Variants in LEKR1 observed in about 807,000 individuals in gnomAD.
LEKR1 encodes the protein leucine, glutamate and lysine rich 1.
Under a neutral mutation model 72.4 loss-of-function variants are expected in LEKR1, and 59 were observed. That is an observed-to-expected ratio of 0.82 (90% CI 0.66 to 1.01). The LOEUF is 1.01. LEKR1 is among the 50% of genes least tolerant of loss of function. The probability of loss-of-function intolerance (pLI) is 0.00; values close to 1 mark genes in which losing one functional copy is unlikely to be tolerated. For synonymous variants in LEKR1, 257 were observed against 263.2 expected (o/e 0.98, Z 0.23); for missense variants, 728 against 759.2 (o/e 0.96, Z 0.48).
intron 3 of LEKR1, among the ~76,000 whole-genome samples, chr3:156,882,458 T>A (rs1719500236): frequency 6.6e-6 from 1 of 152,168 alleles, no homozygotes; most frequent in Non-Finnish European, 1.5e-5. Context: ...TGAGATACCA[T>A]CTCACACCAG....
chr3:156,920,018 G>A (rs1460142498), intron 3 of LEKR1, among the ~76,000 whole-genome samples: 3 of 151,888 alleles, frequency 2.0e-5, no homozygotes, highest in African/African-American at 4.8e-5. Flanking sequence ...CTCTCATCAC[G>A]TGATCCCTTT....
At chr3:156,850,937 C>CAGTTAT (rs1346868591) in intron 2 of LEKR1, among the ~76,000 whole-genome samples, 1 of 152,004 alleles carries the variant, frequency 6.6e-6, no homozygotes, top group Non-Finnish European at 1.5e-5. Context: ...AACATAAAGC[C>CAGTTAT]AGTTATAGTA....
chr3:157,035,491 T>C (rs1461846504), intron 12 of LEKR1, among the ~76,000 whole-genome samples: 1 of 152,170 alleles, frequency 6.6e-6, no homozygotes, highest in Non-Finnish European at 1.5e-5. Context: ...GTATGGAGAC[T>C]TCCCAGTACC....
At chr3:156,959,974 AT>A (rs545145088) in intron 6 of LEKR1, among the ~76,000 whole-genome samples, 81 of 152,202 alleles carry the variant, frequency 5.3e-4, no homozygotes, top group African/African-American at 1.9e-3. Flanking sequence ...CCAATGTGGT[AT>A]TAATTGAAAG....
chr3:156,961,167 ATT>A (rs2107983751), intron 6 of LEKR1, among the ~76,000 whole-genome samples: 1 of 152,328 alleles, frequency 6.6e-6, no homozygotes, highest in African/African-American at 2.4e-5. Flanking sequence ...TGACTTTTTA[ATT>A]TTAGTAAGCT....
At chr3:156,868,360 T>C (rs1717542848) in intron 3 of LEKR1, among the ~76,000 whole-genome samples, 1 of 152,056 alleles carries the variant, frequency 6.6e-6, no homozygotes, top group South Asian at 2.1e-4. Context: ...AATTTTTCTG[T>C]ATTGAGTTTT....
At chr3:156,842,464 A>T (rs886417677) in intron 2 of LEKR1, among the ~76,000 whole-genome samples, 1 of 151,612 alleles carries the variant, frequency 6.6e-6, no homozygotes, top group Non-Finnish European at 1.5e-5. Flanking sequence ...AAGGAAGGTG[A>T]GTGTAGAAAT....
chr3:156,835,941 T>C (rs1288950501), intron 2 of LEKR1, among the ~76,000 whole-genome samples: 1 of 136,174 alleles, frequency 7.3e-6, no homozygotes, highest in Non-Finnish European at 1.5e-5. Flanking sequence ...TGGTGCAATC[T>C]CGACTCACTG....
At chr3:157,023,450 G>A (rs556237939) in intron 10 of LEKR1, among the ~76,000 whole-genome samples, 1 of 152,302 alleles carries the variant, frequency 6.6e-6, no homozygotes, top group East Asian at 1.9e-4. Context: ...TTCTGGGGAA[G>A]GAGTGAGTTA....
chr3:156,852,999 T>C lies in LEKR1; in HGVS notation c.263+17T>C, dbSNP rs930111097. The stretch of plus-strand genomic sequence containing the variant: ...AACAGAAAGGTTGAGTATGTTTTTC[T>C]TTTCTATCATTTATTTAGTTGAAAG... On this transcript the variant is annotated intron_variant, in intron 3 of 12. Transcript: ENST00000356539. 3.4e-6 allele frequency: 5 copies of C among 1,471,544 alleles called. No homozygotes were observed. The African/African-American group carries it at 7.0e-5, about 21-fold the overall frequency. The allele number at this position is 1,471,544 out of a possible 1,614,324, so 91.2% of individuals were successfully genotyped here.
intron 4 of LEKR1, chr3:156,924,869 A>G (rs1410624327): frequency 5.4e-6 from 1 of 184,698 alleles, no homozygotes; most frequent in Non-Finnish European, 1.1e-5. Flanking sequence ...TTTAAAATCA[A>G]GAAATATAAT....
intron 3 of LEKR1, among the ~76,000 whole-genome samples, chr3:156,870,528 A>G (rs1211935840): frequency 6.6e-6 from 1 of 152,008 alleles, no homozygotes; most frequent in South Asian, 2.1e-4. Flanking sequence ...TGATTTTTGT[A>G]TGTTAATTTA....
intron 3 of LEKR1, among the ~76,000 whole-genome samples, chr3:156,856,916 C>A (rs1716129614): frequency 6.6e-6 from 1 of 151,782 alleles, no homozygotes; most frequent in African/African-American, 2.4e-5. Flanking sequence ...TTTTTCTTGT[C>A]TTATTAAATT....
At chr3:156,893,524 A>G (rs1242446071) in intron 3 of LEKR1, among the ~76,000 whole-genome samples, 1 of 152,028 alleles carries the variant, frequency 6.6e-6, no homozygotes, top group African/African-American at 2.4e-5. Context: ...ATGGGGGTAG[A>G]TCCCTCATGA....
chr3:156,885,284 A>C (rs1387892705), intron 3 of LEKR1, among the ~76,000 whole-genome samples: 3 of 152,094 alleles, frequency 2.0e-5, no homozygotes, highest in Admixed American at 6.5e-5. Context: ...TTATTTGGCA[A>C]TTCAGAGATT....
At chr3:157,026,205 C>T (rs1439718461) in intron 11 of LEKR1, among the ~76,000 whole-genome samples, 1 of 152,000 alleles carries the variant, frequency 6.6e-6, no homozygotes, top group Non-Finnish European at 1.5e-5. Context: ...TGCTTCCTGG[C>T]TCCTGATGCC....
chr3:156,861,402 A>G (rs1716745913), intron 3 of LEKR1, among the ~76,000 whole-genome samples: 1 of 152,202 alleles, frequency 6.6e-6, no homozygotes, highest in East Asian at 1.9e-4. Context: ...TCAAGATTTG[A>G]TAGAACAAAG....
intron 6 of LEKR1, among the ~76,000 whole-genome samples, chr3:156,971,989 G>A (rs1418977048): frequency 6.6e-6 from 1 of 152,146 alleles, no homozygotes; most frequent in Admixed American, 6.5e-5. Context: ...TGCCATTACT[G>A]GGTACATACT....
intron 3 of LEKR1, among the ~76,000 whole-genome samples, chr3:156,904,011 A>C (rs772060868): frequency 3.9e-5 from 6 of 152,210 alleles, no homozygotes; most frequent in Non-Finnish European, 8.8e-5. Context: ...ACAGAAAGGT[A>C]ATTATATTGG....
Sources: gnomAD v4.1 joint callset for allele counts (sites outside exome capture counted in the v4.1 genomes callset) on GRCh38, gnomAD v4.1.1 for gene constraint, MANE v1.5 for transcripts, NCBI Gene and HGNC (gene_info 2026-07-23, HGNC 2026-07-21) for gene names.